SORT1: variants seen among roughly 807,000 people sequenced by gnomAD.
The protein encoded by SORT1 is sortilin 1, also known as sortilin.
SORT1 carries 39 observed loss-of-function variants against 101.7 expected under a neutral mutation model. The ratio of observed to expected loss-of-function variants is 0.38; its 90% CI spans 0.30 to 0.50. The LOEUF (loss-of-function observed/expected upper bound fraction) is 0.50. Among genes scored for constraint, SORT1 ranks in the 20% least tolerant of loss-of-function variants. The pLI is 0.90. For synonymous variants in SORT1, 396 were observed against 393.7 expected (o/e 1.01, Z -0.07); for missense variants, 878 against 1,040.4 (o/e 0.84, Z 2.15).
intron 5 of SORT1, among the ~76,000 whole-genome samples, chr1:109,351,546 G>A (rs1167154782): frequency 6.6e-6 from 1 of 152,226 alleles, no homozygotes; most frequent in African/African-American, 2.4e-5. Context: ...CCTGCAGTGT[G>A]TGCAGGGAGC....
chr1:109,332,009 A>C (rs1648492908), intron 11 of SORT1, among the ~76,000 whole-genome samples: 1 of 148,878 alleles, frequency 6.7e-6, no homozygotes, highest in African/African-American at 2.4e-5. Flanking sequence ...AAAAACTACA[A>C]AACATTGATG....
Position 109,351,021 on chromosome 1 carries a change from CT to C in SORT1, c.709-20del. Reference sequence around the variant, plus strand: ...GGCCATTCTGAAAGATTATAAATGACTTATCAAAATTCTAGCTTTATCCTGT... The same window carrying C: ...GGCCATTCTGAAAGATTATAAATGACTATCAAAATTCTAGCTTTATCCTGT... On this transcript the variant is annotated intron_variant, in intron 5 of 19. Coordinates refer to ENST00000256637, the MANE Select transcript of SORT1 (RefSeq NM_002959.7). 1 of 1,537,072 alleles carries C rather than the reference CT, an allele frequency of 6.5e-7. No individual in the cohort carries two copies. Among genetic ancestry groups the C allele is most frequent in the Non-Finnish European group, 9.0e-7 (1 of 1,109,634 alleles).
intron 13 of SORT1, 126 bp from the exon 14 acceptor site, chr1:109,325,215 C>T: frequency 4.4e-6 from 2 of 450,184 alleles, no homozygotes; most frequent in South Asian, 6.2e-5. Context: ...GGCTTATTGG[C>T]TGACAATTAT....
chr1:109,327,741 T>C (rs544640783), intron 11 of SORT1, 140 bp from the exon 12 acceptor site: 15 of 500,708 alleles, frequency 3.0e-5, no homozygotes, highest in Non-Finnish European at 4.9e-5. Flanking sequence ...TTATTTACTA[T>C]TTAGGTGTAT....
Position 109,312,135 on chromosome 1 carries a change from A to C in SORT1, c.*1908T>G, listed in dbSNP as rs1252856430. The stretch of plus-strand genomic sequence containing the variant: ...CCCACAGTGAGTACATGCTGGGAGA[A>C]AGGTGAGTGGTATAAACAGTTCTTT... On this transcript the variant is annotated 3_prime_UTR_variant, in exon 20 of 20. Transcript: ENST00000256637. The C allele has an allele frequency of 1.3e-5, 2 of 152,252 alleles. No individual in the cohort carries two copies. Among genetic ancestry groups the C allele is most frequent in the Non-Finnish European group, 2.9e-5 (2 of 68,052 alleles). The allele number at this position is 152,252 out of a possible 1,614,324, so 9.4% of individuals were successfully genotyped here.
At position 109,336,349 on chromosome 1, in the gene SORT1, G is replaced by C. The variant is rs1430288130; in HGVS notation, c.1265-3C>G. ...GATCATGGTCTGGATAGAATTATCT[G>C]AATGGGAAGAGAACAACATTAAGTC... On this transcript the variant is annotated splice_region_variant and splice_polypyrimidine_tract_variant and intron_variant, in intron 10 of 19. Coordinates refer to ENST00000256637, the MANE Select transcript of SORT1 (RefSeq NM_002959.7). 1 of 1,569,600 alleles carries C rather than the reference G, an allele frequency of 6.4e-7. No individual in the cohort carries two copies. The highest frequency in any genetic ancestry group is 1.7e-5 in the Admixed American group (1 of 59,980).
chr1:109,332,197 T>G (rs1311451203), intron 11 of SORT1, among the ~76,000 whole-genome samples: 2 of 152,234 alleles, frequency 1.3e-5, no homozygotes, highest in Non-Finnish European at 2.9e-5. Flanking sequence ...ACCCTCTTTC[T>G]GTGACAACAC....
chr1:109,384,435 T>C (rs1022100238), intron 1 of SORT1, among the ~76,000 whole-genome samples: 33 of 152,150 alleles, frequency 2.2e-4, no homozygotes, highest in African/African-American at 7.7e-4. Context: ...AAGAGGATAT[T>C]ACAAGAGGAA....
chr1:109,328,355 A>G (rs1408542554), intron 11 of SORT1, among the ~76,000 whole-genome samples: 1 of 152,196 alleles, frequency 6.6e-6, no homozygotes, highest in Non-Finnish European at 1.5e-5. Context: ...CATTTTCACC[A>G]AAAGTGCACC....
intron 15 of SORT1, among the ~76,000 whole-genome samples, chr1:109,320,585 C>A (rs1377530553): frequency 6.6e-6 from 1 of 152,202 alleles, no homozygotes; most frequent in Non-Finnish European, 1.5e-5. Context: ...TCAAATCCTA[C>A]CATTTGTCAA....
In SORT1 at chr1:109,345,864, G is replaced by A; in HGVS notation, c.850C>T (p.Leu284=). The change falls in exon 8 of 20, where the codon CTG becomes TTG. Residue 284 remains leucine, a synonymous_variant. Transcript: ENST00000256637. ...NGSCKADLGA[L]ELWRTSDLGK... ...AAGTCTGAAGTTCTCCATAATTCCAGAGCCCCAAGGTCAGCTTCTTAAACA... is the reference window on the plus strand; with the variant it reads ...AAGTCTGAAGTTCTCCATAATTCCAAAGCCCCAAGGTCAGCTTCTTAAACA... The A allele has an allele frequency of 6.2e-7, 1 of 1,613,106 alleles. No individual in the cohort carries two copies. Among genetic ancestry groups the A allele is most frequent in the Non-Finnish European group, 8.5e-7 (1 of 1,179,446 alleles).
chr1:109,335,236 T>C (rs374992540), intron 11 of SORT1, among the ~76,000 whole-genome samples: 32 of 152,186 alleles, frequency 2.1e-4, no homozygotes, highest in African/African-American at 7.7e-4. Context: ...ACAGAGGCCA[T>C]TCATCACAGG....
chr1:109,381,330 T>C (rs983197179), intron 1 of SORT1, among the ~76,000 whole-genome samples: 1 of 152,178 alleles, frequency 6.6e-6, no homozygotes, highest in South Asian at 2.1e-4. Flanking sequence ...ACTATACCTG[T>C]ATATTATAAA....
chr1:109,335,283 C>G (rs1557791047), intron 11 of SORT1, among the ~76,000 whole-genome samples: 1 of 152,176 alleles, frequency 6.6e-6, no homozygotes, highest in African/African-American at 2.4e-5. Context: ...CAGGGAGAGG[C>G]ATGGGGAGCC....
intron 15 of SORT1, among the ~76,000 whole-genome samples, chr1:109,320,817 G>T (rs752910458): frequency 1.3e-5 from 2 of 152,168 alleles, no homozygotes; most frequent in Admixed American, 6.5e-5. Flanking sequence ...GGTTTTCCTG[G>T]TAAGTATTTA....
At chr1:109,319,956 T>C (rs970429378) in intron 15 of SORT1, among the ~76,000 whole-genome samples, 17 of 151,752 alleles carry the variant, frequency 1.1e-4, no homozygotes, top group African/African-American at 3.9e-4. Context: ...CCCTCTCGGG[T>C]CTCATTCCCC....
intron 13 of SORT1, among the ~76,000 whole-genome samples, chr1:109,326,450 TATATATATATATATACATACAC>T (rs1278953178): frequency 7.2e-5 from 2 of 27,652 alleles, no homozygotes; most frequent in Admixed American, 1.1e-3. Flanking sequence ...TATATATATA[TATATATATATATATACATACAC>T]ACACACACAC....
chr1:109,317,446 A>T (rs1203354019), intron 16 of SORT1, among the ~76,000 whole-genome samples: 3 of 152,234 alleles, frequency 2.0e-5, no homozygotes, highest in Non-Finnish European at 4.4e-5. Flanking sequence ...CCATCACCAA[A>T]GAAAGTCCTA....
intron 1 of SORT1, among the ~76,000 whole-genome samples, chr1:109,372,537 T>C (rs1557817780): frequency 6.6e-6 from 1 of 152,192 alleles, no homozygotes; most frequent in Non-Finnish European, 1.5e-5. Flanking sequence ...CTGGGTGGAC[T>C]TCTGCTTCTG....
Sources: gnomAD v4.1 joint callset for allele counts (sites outside exome capture counted in the v4.1 genomes callset) on GRCh38, gnomAD v4.1.1 for gene constraint, MANE v1.5 for transcripts, NCBI Gene and HGNC (gene_info 2026-07-23, HGNC 2026-07-21) for gene names.